Variants in MARCHF1 observed in about 807,000 individuals in gnomAD.
The protein encoded by MARCHF1 is membrane associated ring-CH-type finger 1.
In MARCHF1, 40 loss-of-function variants were observed where a neutral mutation model predicts 54.2. That is an observed-to-expected ratio of 0.74 (90% CI 0.57 to 0.96). The LOEUF (loss-of-function observed/expected upper bound fraction) is 0.96, where lower values mean the gene tolerates loss of function less well. Among genes scored for constraint, MARCHF1 ranks in the 40% least tolerant of loss-of-function variants. The pLI is 0.00. For missense variants in MARCHF1, 586 were observed against 656.5 expected (o/e 0.89, Z 1.17); for synonymous variants, 236 against 236.3 (o/e 1.00, Z 0.01).
chr4:164,130,238 T>C (rs576359040), intron 1 of MARCHF1, among the ~76,000 whole-genome samples: 7 of 152,284 alleles, frequency 4.6e-5, no homozygotes, highest in African/African-American at 1.4e-4. Context: ...AGTTTCCTCA[T>C]AGTGGTTTAT....
chr4:163,668,386 T>C (rs1390170692), intron 5 of MARCHF1, among the ~76,000 whole-genome samples: 1 of 152,166 alleles, frequency 6.6e-6, no homozygotes, highest in South Asian at 2.1e-4. Flanking sequence ...AGTAGATATA[T>C]AAACAATTAA....
At chr4:163,584,865 GATTC>G (rs1740355602) in intron 8 of MARCHF1, 2 of 152,296 alleles carry the variant, frequency 1.3e-5, no homozygotes, top group East Asian at 1.9e-4. Context: ...ACTCTGGGAT[GATTC>G]ATTATTTAAA....
intron 2 of MARCHF1, among the ~76,000 whole-genome samples, chr4:164,105,334 C>G (rs2111168015): frequency 6.8e-6 from 1 of 146,052 alleles, no homozygotes; most frequent in African/African-American, 2.5e-5. Flanking sequence ...AAGAACAAAG[C>G]TGGAGGCATC....
At chr4:164,241,139 C>T (rs964984428) in intron 1 of MARCHF1, among the ~76,000 whole-genome samples, 4 of 152,134 alleles carry the variant, frequency 2.6e-5, no homozygotes, top group Admixed American at 6.5e-5. Flanking sequence ...GGAACTGACT[C>T]AACTCGCCCT....
At chr4:163,533,370 G>GA (rs1357063260) in intron 9 of MARCHF1, among the ~76,000 whole-genome samples, 1 of 151,884 alleles carries the variant, frequency 6.6e-6, no homozygotes, top group Non-Finnish European at 1.5e-5. Context: ...TGAATAGGTG[G>GA]AACACAGGGA....
intron 8 of MARCHF1, chr4:163,584,175 G>GT (rs1740331467): frequency 6.6e-6 from 1 of 151,264 alleles, no homozygotes; most frequent in African/African-American, 2.4e-5. Context: ...TCAGCAGCAT[G>GT]TTTTTTAATT....
intron 4 of MARCHF1, among the ~76,000 whole-genome samples, chr4:163,822,432 T>C (rs936013992): frequency 5.3e-5 from 8 of 151,954 alleles, no homozygotes; most frequent in African/African-American, 1.9e-4. Flanking sequence ...GTTTAAGGTA[T>C]AGAGGTCATA....
intron 1 of MARCHF1, among the ~76,000 whole-genome samples, chr4:164,350,948 T>A (rs1000832299): frequency 6.6e-6 from 1 of 151,968 alleles, no homozygotes; most frequent in Non-Finnish European, 1.5e-5. Context: ...TTGCCTCACC[T>A]GGGAAGCGCA....
chr4:164,192,051 A>C (rs957391414), intron 1 of MARCHF1, among the ~76,000 whole-genome samples: 1 of 152,154 alleles, frequency 6.6e-6, no homozygotes, highest in African/African-American at 2.4e-5. Context: ...TAATCTCAAG[A>C]ACGATTGTAC....
In MARCHF1 at chr4:163,856,139, G is replaced by T. The variant is rs183327984; in HGVS notation, c.-38-1970C>A. 4.8e-3 allele frequency among the ~76,000 whole-genome samples: 725 copies of T among 152,088 alleles called. 5 individuals carry two copies. The highest frequency in any genetic ancestry group is 7.2e-3 in the Non-Finnish European group (488 of 67,988). On this transcript the variant is annotated intron_variant, in intron 3 of 9. Coordinates refer to ENST00000514618, the MANE Select transcript of MARCHF1 (RefSeq NM_001394959.1). ...GCAAATCATCTTTTCGAACTGTTTT[G>T]CTGGACAGCTGTCAACAAATCATCA...
At chr4:164,163,084 T>C (rs981665263) in intron 1 of MARCHF1, among the ~76,000 whole-genome samples, 6 of 151,980 alleles carry the variant, frequency 3.9e-5, no homozygotes, top group Non-Finnish European at 5.9e-5. Context: ...AAGACAAATA[T>C]TTTGTCATCA....
chr4:163,528,786 A>C lies in MARCHF1; in HGVS notation c.1600T>G (p.Ser534Ala). The stretch of plus-strand genomic sequence containing the variant: ...ACTTCAGGGGGGCCACCCTCTGCAG[A>C]TGGCAGTGAATTTGCACCTGTTTGT... ...VPQTGANSLPSAEGGPPEVVS... is the reference protein window; with the variant it reads ...VPQTGANSLPAAEGGPPEVVS... Residue 534 changes from serine (S) to alanine (A), a missense_variant, in exon 10 of 10, where the codon TCT (serine) becomes GCT (alanine). Coordinates refer to ENST00000514618, the MANE Select transcript of MARCHF1 (RefSeq NM_001394959.1). The C allele has an allele frequency of 6.2e-7, 1 of 1,613,034 alleles. No homozygotes were observed. The highest frequency in any genetic ancestry group is 8.5e-7 in the Non-Finnish European group (1 of 1,179,324).
In MARCHF1 at chr4:164,220,293, T is replaced by G. The variant is rs1013215226; in HGVS notation, c.-322-108631A>C. 3.4e-5 allele frequency among the ~76,000 whole-genome samples: 5 copies of G among 148,002 alleles called. No homozygotes were observed. In the South Asian group the frequency reaches 1.0e-3, roughly 31 times the overall value. On this transcript the variant is annotated intron_variant, in intron 1 of 9. Coordinates refer to ENST00000514618, the MANE Select transcript of MARCHF1 (RefSeq NM_001394959.1). ...ATATGTATATAATGGAATTCATATA[T>G]ATATATGAATATATATAGGAATTCA...
Position 163,612,127 on chromosome 4 carries a change from ACCTTTTCT to A in MARCHF1, c.1010+136_1010+143del, listed in dbSNP as rs2110927985. ...CATCTGCATTATTCTTTTCATACCCACCTTTTCTCCTTTTATATCCAATCAGAAAAAGA... is the reference window on the plus strand; with the variant it reads ...CATCTGCATTATTCTTTTCATACCCACCTTTTATATCCAATCAGAAAAAGA... On this transcript the variant is annotated intron_variant, in intron 7 of 9. Transcript: ENST00000514618. The A allele has an allele frequency of 7.0e-6, 5 of 716,576 alleles. No individual in the cohort carries two copies. In the East Asian group the frequency reaches 1.5e-4, roughly 21 times the overall value. 44.4% of individuals were successfully genotyped at this position (716,576 alleles called of 1,614,324 possible). A position where few individuals can be genotyped will look rare whatever the true frequency, so the allele number is the denominator to read the frequency against.
At chr4:164,382,818 A>C (rs1484935087) in intron 1 of MARCHF1, among the ~76,000 whole-genome samples, 1 of 152,210 alleles carries the variant, frequency 6.6e-6, no homozygotes, top group African/African-American at 2.4e-5. Context: ...AAACTAAGGT[A>C]CCTGAGCAGG....
At chr4:164,145,147 C>T (rs1339821940) in intron 1 of MARCHF1, among the ~76,000 whole-genome samples, 1 of 150,932 alleles carries the variant, frequency 6.6e-6, no homozygotes, top group African/African-American at 2.4e-5. Context: ...CTGAATAGAC[C>T]AATAACAGGA....
intron 1 of MARCHF1, among the ~76,000 whole-genome samples, chr4:164,205,169 A>G (rs1337674656): frequency 2.0e-5 from 3 of 152,176 alleles, no homozygotes; most frequent in Non-Finnish European, 2.9e-5. Context: ...CTAAGAATTC[A>G]TTTCATTGTT....
At chr4:163,694,350 G>T (rs184134222) in intron 5 of MARCHF1, among the ~76,000 whole-genome samples, 3 of 152,140 alleles carry the variant, frequency 2.0e-5, no homozygotes, top group Admixed American at 2.0e-4. Context: ...ACTTCCCTTT[G>T]GCTTCTTGGA....
chr4:163,904,552 G>C (rs73868934), intron 3 of MARCHF1, among the ~76,000 whole-genome samples: 227 of 152,206 alleles, frequency 1.5e-3, no homozygotes, highest in African/African-American at 5.4e-3. Context: ...ATGGTTTTCT[G>C]GGAAAATGAG....
Sources: allele counts gnomAD v4.1 joint callset (sites outside exome capture counted in the v4.1 genomes callset), GRCh38; gene constraint gnomAD v4.1.1; transcripts MANE v1.5; gene names NCBI Gene and HGNC (gene_info 2026-07-23, HGNC 2026-07-21).